MTA1: variants seen among roughly 807,000 people sequenced by gnomAD.
The protein encoded by MTA1 is metastasis associated 1.
MTA1 carries 15 observed loss-of-function variants against 97.0 expected under a neutral mutation model. The observed-to-expected ratio is 0.15, with a 90% CI of 0.10 to 0.24. The LOEUF (loss-of-function observed/expected upper bound fraction) is 0.24, where lower values mean the gene tolerates loss of function less well. MTA1 is among the 10% of genes least tolerant of loss of function. The probability of loss-of-function intolerance (pLI) is 1.00; values close to 1 mark genes in which losing one functional copy is unlikely to be tolerated. For missense variants in MTA1, 709 were observed against 1,015.1 expected, an observed-to-expected ratio of 0.70 and a Z score of 4.10; for synonymous variants, 435 against 417.5, an observed-to-expected ratio of 1.04 and a Z score of -0.51.
chr14:105,462,267 G>C (rs2083386319), intron 10 of MTA1, among the ~76,000 whole-genome samples: 4 of 152,196 alleles, frequency 2.6e-5, no homozygotes, highest in Admixed American at 2.6e-4. Flanking sequence ...TAATAAGACA[G>C]GTTTCTTAAA....
At chr14:105,421,385 C>T (rs2081831131) in intron 1 of MTA1, among the ~76,000 whole-genome samples, 1 of 152,230 alleles carries the variant, frequency 6.6e-6, no homozygotes, top group Non-Finnish European at 1.5e-5. Context: ...CCCCTTCCAG[C>T]CTGACATGAG....
At chr14:105,440,631 C>T (rs890054207) in intron 2 of MTA1, among the ~76,000 whole-genome samples, 1 of 152,268 alleles carries the variant, frequency 6.6e-6, no homozygotes, top group Non-Finnish European at 1.5e-5. Context: ...GCGTCCCCTT[C>T]GTCCTAGGAC....
intron 2 of MTA1, 32 bp downstream of exon 2, chr14:105,438,771 G>A: frequency 3.1e-6 from 5 of 1,607,648 alleles, no homozygotes; most frequent in Non-Finnish European, 4.3e-6. Flanking sequence ...GCTGCAGGGG[G>A]GTAGTGGGTG....
Position 105,469,478 on chromosome 14 carries a change from C to A in MTA1, c.1825C>A (p.His609Asn). The change falls in exon 19 of 21, where the codon CAC becomes AAC. Residue 609 changes from histidine to asparagine, a missense_variant. This residue lies in a region of MTA1 where 388 missense variants were observed against 421.6 expected (regional missense o/e 0.92). Transcript: ENST00000331320. ...CCATTTCTCATCAGGTCTGGCAAAC[C>A]ACGGACAGGCCAGGCACATGGTAAG... The part of the protein sequence containing the change: ...LLMPSRGLAN[H>N]GQARHMGPSR... The A allele has an allele frequency of 6.2e-7, 1 of 1,612,992 alleles. No homozygotes were observed. The highest frequency in any genetic ancestry group is 8.5e-7 in the Non-Finnish European group (1 of 1,179,840).
chr14:105,464,196 C>T (rs1180923631), intron 13 of MTA1, 49 bp downstream of exon 13: 33 of 1,567,038 alleles, frequency 2.1e-5, no homozygotes, highest in Middle Eastern at 1.7e-4. Context: ...GCCTGTGGGC[C>T]GTGGTGCCTG....
Position 105,430,048 on chromosome 14 carries a change from C to T in MTA1, c.29-8624C>T, listed in dbSNP as rs587720858. On this transcript the variant is annotated intron_variant, in intron 1 of 20. Coordinates refer to ENST00000331320, the MANE Select transcript of MTA1 (RefSeq NM_004689.4). ...CTGGGAATACAGGTGTGAGCCACTG[C>T]GCCCGACCCACTTTTAGTTTCTTTC... 1.9e-4 allele frequency among the ~76,000 whole-genome samples: 29 copies of T among 152,284 alleles called. No homozygotes were observed. In the South Asian group the frequency reaches 2.9e-3, roughly 15 times the overall value.
At chr14:105,452,613 C>T (rs1223859174) in intron 6 of MTA1, among the ~76,000 whole-genome samples, 2 of 152,112 alleles carry the variant, frequency 1.3e-5, no homozygotes, top group Admixed American at 6.6e-5. Context: ...AGTCAAGAGG[C>T]GGAGGCTTCA....
intron 19 of MTA1, 162 bp from the exon 20 acceptor site, chr14:105,469,679 G>A: frequency 8.1e-7 from 1 of 1,234,078 alleles, no homozygotes; most frequent in South Asian, 1.5e-5. Context: ...GCGGTGTGCG[G>A]CCGACCAGCC....
At chr14:105,433,984 C>T (rs2082256753) in intron 1 of MTA1, among the ~76,000 whole-genome samples, 1 of 152,168 alleles carries the variant, frequency 6.6e-6, no homozygotes, top group Non-Finnish European at 1.5e-5. Flanking sequence ...CGTGCCACCA[C>T]ACCTGGCTAA....
intron 16 of MTA1, chr14:105,465,963 G>C: frequency 5.2e-6 from 1 of 192,128 alleles, no homozygotes; most frequent in Non-Finnish European, 1.1e-5. Flanking sequence ...CTGTCCTGTG[G>C]GAAGAGGTGG....
chr14:105,463,693 A>C lies in MTA1; in HGVS notation c.1076+142A>C. On this transcript the variant is annotated intron_variant, in intron 12 of 20. Coordinates refer to ENST00000331320, the MANE Select transcript of MTA1 (RefSeq NM_004689.4). This position sits in a 1 kb window ranked among gnomAD's most constrained non-coding sequence, Gnocchi z 5.9. ...GGGGCAGCCCCCGGGAGGGCGGCCC[A>C]GGGCTGGGGGGTTCTGGCTGCAGAC... 1 of 783,350 alleles carries C rather than the reference A, an allele frequency of 1.3e-6. No homozygotes were observed. Among genetic ancestry groups the C allele is most frequent in the Non-Finnish European group, 2.1e-6 (1 of 480,766 alleles). 48.5% of individuals were successfully genotyped at this position (783,350 alleles called of 1,614,324 possible).
At position 105,445,532 on chromosome 14, in the gene MTA1, G is replaced by C; in HGVS notation, c.190+21G>C. On this transcript the variant is annotated intron_variant, in intron 3 of 20. Coordinates refer to ENST00000331320, the MANE Select transcript of MTA1 (RefSeq NM_004689.4). ...CGCAAGTGAGTCCGGCCTTCCCTGG[G>C]GTGCCCGCCTGGCGGGAGGGTCGGC... 4 of 1,612,458 alleles carry C rather than the reference G, an allele frequency of 2.5e-6. No homozygotes were observed. The African/African-American group carries it at 5.3e-5, about 21-fold the overall frequency.
In MTA1 at chr14:105,419,852, G is replaced by T; in HGVS notation, c.-184G>T. On this transcript the variant is annotated 5_prime_UTR_variant, in exon 1 of 21. Coordinates refer to ENST00000331320, the MANE Select transcript of MTA1 (RefSeq NM_004689.4). ...CTCTTCCTCTCCCGCCCGCGCCGCG[G>T]CCCTCCCGTCCCTGCGCGGCCTCGG... 6.4e-6 allele frequency: 1 copy of T among 155,366 alleles called. No individual in the cohort carries two copies. The highest frequency in any genetic ancestry group is 1.4e-5 in the Non-Finnish European group (1 of 74,020). The allele number at this position is 155,366 out of a possible 1,614,324, so 9.6% of individuals were successfully genotyped here. A position where few individuals can be genotyped will look rare whatever the true frequency, so the allele number is the denominator to read the frequency against.
At position 105,463,330 on chromosome 14, in the gene MTA1, G is replaced by C; in HGVS notation, c.1017+72G>C. 1 of 1,561,796 alleles carries C rather than the reference G, an allele frequency of 6.4e-7. No homozygotes were observed. Among genetic ancestry groups the C allele is most frequent in the South Asian group, 1.1e-5 (1 of 89,886 alleles). ...CCTGCGCCCCATCCTCTCCCAGCAG[G>C]TGGGCGTGCACTGCTGCAGCAGGAG... On this transcript the variant is annotated intron_variant, in intron 11 of 20. Coordinates refer to ENST00000331320, the MANE Select transcript of MTA1 (RefSeq NM_004689.4). The surrounding 1 kb of genome is among the most constrained non-coding windows in gnomAD (Gnocchi z 5.9).
intron 18 of MTA1, 33 bp downstream of exon 18, chr14:105,466,775 C>A: frequency 6.4e-7 from 1 of 1,552,488 alleles, no homozygotes; most frequent in Non-Finnish European, 8.7e-7. Context: ...GGCGCTGCGC[C>A]GGCCCCGCCC....
chr14:105,454,991 G>A (rs1412102952), intron 7 of MTA1, among the ~76,000 whole-genome samples: 1 of 151,658 alleles, frequency 6.6e-6, no homozygotes, highest in African/African-American at 2.4e-5. Flanking sequence ...CTGCAGCCTC[G>A]ACCTCCCAGG....
At chr14:105,425,576 C>T (rs181026697) in intron 1 of MTA1, among the ~76,000 whole-genome samples, 13 of 152,306 alleles carry the variant, frequency 8.5e-5, no homozygotes, top group East Asian at 7.7e-4. Context: ...CTACCATGCC[C>T]GGCAGAGCAT....
intron 1 of MTA1, among the ~76,000 whole-genome samples, chr14:105,421,362 C>T (rs887787832): frequency 1.3e-5 from 2 of 152,210 alleles, no homozygotes; most frequent in South Asian, 4.1e-4. Flanking sequence ...TTCTTTCTCC[C>T]CACCTGGAGA....
At chr14:105,448,367 G>A (rs782386371) in intron 3 of MTA1, among the ~76,000 whole-genome samples, 3 of 152,176 alleles carry the variant, frequency 2.0e-5, no homozygotes, top group South Asian at 4.1e-4. Flanking sequence ...ACAGAGCCCT[G>A]TTCTGCTGAC....
Sources: allele counts gnomAD v4.1 joint callset (sites outside exome capture counted in the v4.1 genomes callset), GRCh38; gene constraint gnomAD v4.1.1; regional missense constraint gnomAD v4.1.1; non-coding constraint Gnocchi (gnomAD v3.1); transcripts MANE v1.5; gene names NCBI Gene and HGNC (gene_info 2026-07-23, HGNC 2026-07-21).